ST3GAL3: variants seen among roughly 807,000 people sequenced by gnomAD.
ST3GAL3 encodes CMP-N-acetylneuraminate-beta-1,4-galactoside alpha-2,3-sialyltransferase.
A neutral mutation model predicts 50.1 loss-of-function variants in ST3GAL3; 21 were observed. The observed-to-expected ratio is 0.42, with a 90% confidence interval of 0.30 to 0.60. ST3GAL3 has a LOEUF of 0.60. ST3GAL3 is among the 20% of genes least tolerant of loss of function. ST3GAL3 has a pLI of 0.19. For missense variants in ST3GAL3, 353 were observed against 489.4 expected (o/e 0.72, Z 2.63); for synonymous variants, 183 against 190.0 (o/e 0.96, Z 0.30).
intron 11 of ST3GAL3, 135 bp downstream of exon 11, chr1:43,921,063 C>T (rs1311354904): frequency 1.3e-5 from 14 of 1,054,172 alleles, no homozygotes; most frequent in African/African-American, 7.8e-5. Context: ...AAGCATCCTA[C>T]GTGCCCTCTC....
intron 6 of ST3GAL3, among the ~76,000 whole-genome samples, chr1:43,895,641 A>C (rs1454540683): frequency 6.6e-6 from 1 of 152,204 alleles, no homozygotes; most frequent in African/African-American, 2.4e-5. Context: ...TGAACCCTCT[A>C]CTCAGCCAGA....
At chr1:43,771,864 C>T (rs1450598327) in intron 2 of ST3GAL3, 4 of 397,820 alleles carry the variant, frequency 1.0e-5, no homozygotes, top group Non-Finnish European at 1.8e-5. Context: ...AAATGAACAC[C>T]TCCCTTTGTT....
At chr1:43,894,645 GTT>G (rs112814003) in intron 6 of ST3GAL3, among the ~76,000 whole-genome samples, 168 bp downstream of exon 6, 1 of 142,168 alleles carries the variant, frequency 7.0e-6, no homozygotes. Flanking sequence ...TTGTTTGTTT[GTT>G]TTTTTTTTTT....
chr1:43,918,555 G>T (rs556203051), intron 9 of ST3GAL3, among the ~76,000 whole-genome samples: 2 of 152,172 alleles, frequency 1.3e-5, no homozygotes, highest in Admixed American at 1.3e-4. Flanking sequence ...GTGTTGAACT[G>T]CTTCTAGGTG....
rs548033524 is a variant in ST3GAL3 at position 43,905,773 on chromosome 1, C to A, written c.744+6046C>A. Among the ~76,000 whole-genome samples, 414 of 131,338 alleles carry A rather than the reference C, an allele frequency of 3.2e-3. 10 individuals are homozygous for A. The highest frequency in any genetic ancestry group is 0.012 in the African/African-American group (391 of 31,886). 86.2% of individuals were successfully genotyped at this position (131,338 alleles called of 152,430 possible). On this transcript the variant is annotated intron_variant, in intron 9 of 11. Coordinates refer to ENST00000347631, the MANE Select transcript of ST3GAL3 (RefSeq NM_006279.5). ...TCCTCCCCCTCCTCCTGCTCCTCTTCCTGCCACTCTTCCCCTGCCACTTTT... is the reference window on the plus strand; with the variant it reads ...TCCTCCCCCTCCTCCTGCTCCTCTTACTGCCACTCTTCCCCTGCCACTTTT...
intron 2 of ST3GAL3, among the ~76,000 whole-genome samples, chr1:43,791,864 T>C (rs2058118729): frequency 6.6e-6 from 1 of 152,146 alleles, no homozygotes; most frequent in African/African-American, 2.4e-5. Flanking sequence ...TCTAAAGAAT[T>C]TGGGGCCTGT....
chr1:43,721,435 G>A (rs550793609), intron 1 of ST3GAL3, among the ~76,000 whole-genome samples: 5 of 151,220 alleles, frequency 3.3e-5, no homozygotes, highest in Admixed American at 3.3e-4. Context: ...CTCCCAAGTA[G>A]CTGGGATTAT....
intron 5 of ST3GAL3, among the ~76,000 whole-genome samples, chr1:43,885,120 G>C (rs16831354): frequency 0.051 from 7,734 of 152,266 alleles, 642 homozygotes; most frequent in African/African-American, 0.18. Flanking sequence ...AGATCTCTTA[G>C]GAGGGCCCCA....
intron 2 of ST3GAL3, among the ~76,000 whole-genome samples, chr1:43,744,994 AAAAAG>A (rs144951225): frequency 0.31 from 47,198 of 151,020 alleles, 8,976 homozygotes; most frequent in East Asian, 0.53. Flanking sequence ...GTGTTTGAAA[AAAAAG>A]AAAAAAGAAA....
chr1:43,855,905 G>A (rs1569730281), intron 5 of ST3GAL3, among the ~76,000 whole-genome samples: 1 of 152,190 alleles, frequency 6.6e-6, no homozygotes, highest in East Asian at 1.9e-4. Flanking sequence ...CGACAGGCAT[G>A]AACAGGTTAC....
At chr1:43,716,221 T>C (rs1667312238) in intron 1 of ST3GAL3, among the ~76,000 whole-genome samples, 1 of 152,240 alleles carries the variant, frequency 6.6e-6, no homozygotes, top group Non-Finnish European at 1.5e-5. Context: ...AGGGCAGCTG[T>C]GTGTATTTTT....
chr1:43,857,835 C>T (rs923065323), intron 5 of ST3GAL3, among the ~76,000 whole-genome samples: 2 of 152,136 alleles, frequency 1.3e-5, no homozygotes, highest in African/African-American at 4.8e-5. Context: ...AGGCTGGTCT[C>T]GAACTCCTGA....
chr1:43,724,943 G>A (rs1672211627), intron 1 of ST3GAL3, among the ~76,000 whole-genome samples: 1 of 152,194 alleles, frequency 6.6e-6, no homozygotes, highest in African/African-American at 2.4e-5. Context: ...AGACCACAGA[G>A]TTGAAGAATT....
At chr1:43,917,482 AATATATAAT>A (rs1184099260) in intron 9 of ST3GAL3, among the ~76,000 whole-genome samples, 995 of 81,114 alleles carry the variant, frequency 0.012, 28 homozygotes, top group African/African-American at 0.046. Flanking sequence ...TAATATATAT[AATATATAAT>A]ATATATAATA....
At chr1:43,780,372 A>G (rs1698978509) in intron 2 of ST3GAL3, among the ~76,000 whole-genome samples, 1 of 152,100 alleles carries the variant, frequency 6.6e-6, no homozygotes, top group Admixed American at 6.6e-5. Flanking sequence ...ATTTCATGAT[A>G]ATATACCTTG....
intron 2 of ST3GAL3, among the ~76,000 whole-genome samples, chr1:43,743,210 G>A (rs1210968303): frequency 2.0e-5 from 3 of 147,430 alleles, no homozygotes; most frequent in African/African-American, 7.8e-5. Context: ...AACTTCCTAA[G>A]TTTGATGAAA....
chr1:43,740,726 G>A (rs1416925737), intron 2 of ST3GAL3, among the ~76,000 whole-genome samples: 1 of 152,084 alleles, frequency 6.6e-6, no homozygotes, highest in Non-Finnish European at 1.5e-5. Context: ...TGAGGTAGGA[G>A]GATCACTTAG....
intron 9 of ST3GAL3, among the ~76,000 whole-genome samples, chr1:43,918,889 A>G (rs2082530814): frequency 2.0e-5 from 3 of 151,868 alleles, no homozygotes; most frequent in Non-Finnish European, 4.4e-5. Context: ...TTTTCCTCCT[A>G]TAGTTCTCAC....
chr1:43,891,554 A>G (rs2076685283), intron 5 of ST3GAL3, among the ~76,000 whole-genome samples: 1 of 152,230 alleles, frequency 6.6e-6, no homozygotes, highest in Non-Finnish European at 1.5e-5. Context: ...GGGCAACAAG[A>G]GCAAAACTAC....
Sources: allele counts gnomAD v4.1 joint callset (sites outside exome capture counted in the v4.1 genomes callset), GRCh38; gene constraint gnomAD v4.1.1; transcripts MANE v1.5; gene names NCBI Gene and HGNC (gene_info 2026-07-23, HGNC 2026-07-21).